EPS8: variants seen among roughly 807,000 people sequenced by gnomAD.
EPS8 encodes EGFR pathway substrate 8, signaling adaptor, also known as epidermal growth factor receptor kinase substrate 8.
EPS8 carries 42 observed loss-of-function variants against 103.8 expected under a neutral mutation model. The observed-to-expected ratio is 0.40, with a 90% CI of 0.32 to 0.52. The LOEUF is 0.52. Among genes scored for constraint, EPS8 ranks in the 20% least tolerant of loss-of-function variants. The probability of loss-of-function intolerance (pLI) is 0.40; values close to 1 mark genes in which losing one functional copy is unlikely to be tolerated. For missense variants in EPS8, 969 were observed against 1,005.1 expected, an observed-to-expected ratio of 0.96 and a Z score of 0.49; for synonymous variants, 344 against 344.6, an observed-to-expected ratio of 1.00 and a Z score of 0.02.
At chr12:15,689,658 T>A (rs1341883784) in intron 1 of EPS8, among the ~76,000 whole-genome samples, 2 of 152,236 alleles carry the variant, frequency 1.3e-5, no homozygotes, top group Non-Finnish European at 2.9e-5. Flanking sequence ...TAAAACCCTC[T>A]CTGTTAGCTA....
intron 1 of EPS8, among the ~76,000 whole-genome samples, chr12:15,686,876 T>C (rs1176362132): frequency 6.6e-6 from 1 of 152,176 alleles, no homozygotes; most frequent in African/African-American, 2.4e-5. Context: ...TTCAAATGAC[T>C]TGTGTTCTCA....
In EPS8 at chr12:15,769,693, T is replaced by C. The variant is rs913782879; in HGVS notation, c.-22+19468A>G. Reference sequence around the variant, plus strand: ...CTCTATTGAATTTCTCCCCAAACAATGAACATCTCTATATAGTAACTCTAT... The same window carrying C: ...CTCTATTGAATTTCTCCCCAAACAACGAACATCTCTATATAGTAACTCTAT... On this transcript the variant is annotated intron_variant, in intron 1 of 20. Transcript: ENST00000281172. The surrounding 1 kb of genome is among the most constrained non-coding windows in gnomAD (Gnocchi z 4.6). Among the ~76,000 whole-genome samples the C allele has an allele frequency of 6.6e-6, 1 of 152,194 alleles. No individual in the cohort carries two copies. The highest frequency in any genetic ancestry group is 1.5e-5 in the Non-Finnish European group (1 of 68,036).
chr12:15,767,628 G>A lies in EPS8; in HGVS notation c.-22+21533C>T, dbSNP rs188493954. On this transcript the variant is annotated intron_variant, in intron 1 of 20. Transcript: ENST00000281172. This position sits in a 1 kb window ranked among gnomAD's most constrained non-coding sequence, Gnocchi z 5.5. ...CCTATTTTTCCAATACATTAAAAAA[G>A]GCTTATATTCACCCACCTCTCTCAA... 1.1e-4 allele frequency among the ~76,000 whole-genome samples: 16 copies of A among 152,060 alleles called. No individual in the cohort carries two copies. In the South Asian group the frequency reaches 2.5e-3, roughly 24 times the overall value.
Position 15,665,768 on chromosome 12 carries a change from C to T in EPS8, c.724G>A (p.Asp242Asn), listed in dbSNP as rs368744283. Residue 242 changes from aspartate (D) to asparagine (N), a missense_variant, in exon 8 of 21, where the codon GAC (aspartate) becomes AAC (asparagine). Coordinates refer to ENST00000281172, the MANE Select transcript of EPS8 (RefSeq NM_004447.6). Reference protein sequence around the residue: ...RVAAWSAWAADQGDFEKPRQY... With the variant: ...RVAAWSAWAANQGDFEKPRQY... ...TAGGAAGACTCACAGTCCCCTTGGT[C>T]GGCTGCCCATGCAGACCAGGCTGCC... The T allele has an allele frequency of 5.8e-5, 94 of 1,613,436 alleles. No individual in the cohort carries two copies. The Admixed American group carries it at 6.7e-4, about 11-fold the overall frequency.
At chr12:15,655,850 T>C (rs990364329) in intron 12 of EPS8, among the ~76,000 whole-genome samples, 23 of 152,312 alleles carry the variant, frequency 1.5e-4, no homozygotes, top group African/African-American at 5.3e-4. Context: ...AGCCACTACA[T>C]CATGCTGGCC....
At position 15,742,924 on chromosome 12, in the gene EPS8, C is replaced by T. The variant is rs539595520; in HGVS notation, c.-22+46237G>A. Among the ~76,000 whole-genome samples the T allele has an allele frequency of 1.8e-3, 268 of 152,162 alleles. 2 individuals are homozygous for T. The highest frequency in any genetic ancestry group is 6.0e-3 in the African/African-American group (249 of 41,530). On this transcript the variant is annotated intron_variant, in intron 1 of 20. Coordinates refer to ENST00000281172, the MANE Select transcript of EPS8 (RefSeq NM_004447.6). ...AAGTTCTGGCCAGGGCAATGAGGCA[C>T]GAGAAAGAAATAAAAGGTATTCAAC... is the stretch of plus-strand genomic sequence containing the variant.
chr12:15,631,809 A>G (rs1945052097), intron 17 of EPS8, 145 bp from the exon 18 acceptor site: 2 of 608,314 alleles, frequency 3.3e-6, no homozygotes, highest in Non-Finnish European at 5.7e-6. Context: ...CCTATATGGT[A>G]TAATGACCAT....
chr12:15,743,448 T>C (rs1202411220), intron 1 of EPS8, among the ~76,000 whole-genome samples: 1 of 152,222 alleles, frequency 6.6e-6, no homozygotes, highest in Non-Finnish European at 1.5e-5. Context: ...AGAGCCCGCA[T>C]TGCCAAGACA....
At chr12:15,683,954 G>T (rs1356875247) in intron 1 of EPS8, 1 of 152,292 alleles carries the variant, frequency 6.6e-6, no homozygotes, top group African/African-American at 2.4e-5. Flanking sequence ...GGCCAAGGGG[G>T]TGAAAGCATG....
chr12:15,722,408 A>G (rs545066874), intron 1 of EPS8, among the ~76,000 whole-genome samples: 4 of 152,248 alleles, frequency 2.6e-5, no homozygotes, highest in African/African-American at 9.6e-5. Flanking sequence ...TCTGCAACTG[A>G]AAAATAAAAG....
At chr12:15,755,013 G>C (rs1033457627) in intron 1 of EPS8, among the ~76,000 whole-genome samples, 77 of 152,200 alleles carry the variant, frequency 5.1e-4, no homozygotes, top group African/African-American at 1.7e-3. Context: ...ACCTTGGCCT[G>C]ATGTGCGCAT....
intron 1 of EPS8, among the ~76,000 whole-genome samples, chr12:15,694,903 A>T (rs966899650): frequency 6.6e-6 from 1 of 152,148 alleles, no homozygotes; most frequent in Non-Finnish European, 1.5e-5. Flanking sequence ...CCAGCAGTAA[A>T]TTTTTTCATA....
At chr12:15,628,350 G>C (rs1944985408) in intron 18 of EPS8, among the ~76,000 whole-genome samples, 1 of 152,006 alleles carries the variant, frequency 6.6e-6, no homozygotes, top group Non-Finnish European at 1.5e-5. Context: ...TTTTCTTCCA[G>C]GAAGGACAAA....
At position 15,716,553 on chromosome 12, in the gene EPS8, A is replaced by G. The variant is rs1235218235; in HGVS notation, c.-21-33581T>C. 6.6e-6 allele frequency among the ~76,000 whole-genome samples: 1 copy of G among 152,200 alleles called. No homozygotes were observed. Among genetic ancestry groups the G allele is most frequent in the Non-Finnish European group, 1.5e-5 (1 of 68,024 alleles). ...AGGGCAGTTTACCAGAAGTAGTCAC[A>G]GGAAATATTATATATTTCGAATGTG... On this transcript the variant is annotated intron_variant, in intron 1 of 20. Coordinates refer to ENST00000281172, the MANE Select transcript of EPS8 (RefSeq NM_004447.6). This position sits in a 1 kb window ranked among gnomAD's most constrained non-coding sequence, Gnocchi z 5.0.
intron 14 of EPS8, among the ~76,000 whole-genome samples, chr12:15,650,378 G>T (rs1945391158): frequency 6.6e-6 from 1 of 152,140 alleles, no homozygotes; most frequent in Non-Finnish European, 1.5e-5. Flanking sequence ...TTAACTGGGG[G>T]AATTCAGGAA....
At chr12:15,724,356 T>C (rs1177891716) in intron 1 of EPS8, among the ~76,000 whole-genome samples, 2 of 152,202 alleles carry the variant, frequency 1.3e-5, no homozygotes, top group Admixed American at 1.3e-4. Flanking sequence ...ATTTCAAATT[T>C]TGACTGTTAT....
intron 10 of EPS8, among the ~76,000 whole-genome samples, chr12:15,659,208 G>A (rs979628907): frequency 3.3e-5 from 5 of 152,180 alleles, no homozygotes; most frequent in East Asian, 1.9e-4. Context: ...TTTCCAGGGC[G>A]AACAGTTGTA....
chr12:15,669,974 T>G (rs78618027), intron 4 of EPS8, 149 bp from the exon 5 acceptor site: 1 of 556,968 alleles, frequency 1.8e-6, no homozygotes, highest in Non-Finnish European at 2.9e-6. Flanking sequence ...TCATGACTAT[T>G]TTAATGAGAG....
At chr12:15,642,813 C>T (rs111413083) in intron 15 of EPS8, among the ~76,000 whole-genome samples, 5,136 of 152,160 alleles carry the variant, frequency 0.034, 321 homozygotes, top group African/African-American at 0.12. Context: ...GCCTGCAGGA[C>T]AGTTGTAGAC....
Sources: allele counts gnomAD v4.1 joint callset (sites outside exome capture counted in the v4.1 genomes callset), GRCh38; gene constraint gnomAD v4.1.1; non-coding constraint Gnocchi (gnomAD v3.1); transcripts MANE v1.5; gene names NCBI Gene and HGNC (gene_info 2026-07-23, HGNC 2026-07-21).